PLXNA2: variants seen among roughly 807,000 people sequenced by gnomAD.
The protein encoded by PLXNA2 is plexin A2.
In PLXNA2, 91 loss-of-function variants were observed where a neutral mutation model predicts 193.5. The ratio of observed to expected loss-of-function variants is 0.47; its 90% CI spans 0.40 to 0.56. PLXNA2 has a LOEUF of 0.56. Among genes scored for constraint, PLXNA2 ranks in the 20% least tolerant of loss-of-function variants. The pLI is 0.00. For missense variants in PLXNA2, 1,995 were observed against 2,503.2 expected (o/e 0.80, Z 4.33); for synonymous variants, 997 against 1,027.3 (o/e 0.97, Z 0.56).
intron 1 of PLXNA2, among the ~76,000 whole-genome samples, chr1:208,222,254 C>T (rs770686957): frequency 2.1e-4 from 32 of 152,168 alleles, no homozygotes; most frequent in Non-Finnish European, 4.1e-4. Flanking sequence ...AATAATGATG[C>T]TTTCTTCTTT....
rs1671846833 is a variant in PLXNA2 at position 208,236,212 on chromosome 1, TG to T, written c.-81+7430del. On this transcript the variant is annotated intron_variant, in intron 1 of 31. Coordinates refer to ENST00000367033, the MANE Select transcript of PLXNA2 (RefSeq NM_025179.4). This position sits in a 1 kb window ranked among gnomAD's most constrained non-coding sequence, Gnocchi z 4.4. ...TGGGCTGGGCTCCCGCTAAGAACGC[TG>T]TTCTCAGTGAAATTCAAAAAATTGG... Among the ~76,000 whole-genome samples, 1 of 152,166 alleles carries T rather than the reference TG, an allele frequency of 6.6e-6. No individual in the cohort carries two copies. The highest frequency in any genetic ancestry group is 2.4e-5 in the African/African-American group (1 of 41,442).
rs533581207 is a variant in PLXNA2 at position 208,190,644 on chromosome 1, C to T, written c.1371+19636G>A. ...GTATCCCTGGCCTCTACCCACTAGA[C>T]GCCAATAGCTCTCTTTGCCCAAGAC... On this transcript the variant is annotated intron_variant, in intron 3 of 31. Transcript: ENST00000367033. Among the ~76,000 whole-genome samples, 6 of 152,314 alleles carry T rather than the reference C, an allele frequency of 3.9e-5. No individual in the cohort carries two copies. The East Asian group carries it at 7.7e-4, about 20-fold the overall frequency.
At chr1:208,112,136 T>A (rs1667499248) in intron 4 of PLXNA2, among the ~76,000 whole-genome samples, 1 of 152,180 alleles carries the variant, frequency 6.6e-6, no homozygotes, top group Non-Finnish European at 1.5e-5. Flanking sequence ...GTTGAACTTT[T>A]CAATGACATT....
intron 1 of PLXNA2, among the ~76,000 whole-genome samples, chr1:208,220,600 T>C (rs1271724744): frequency 8.4e-6 from 1 of 119,418 alleles, no homozygotes; most frequent in African/African-American, 3.3e-5. Context: ...ACCCGCCTAA[T>C]TTTTTTTTTT....
At chr1:208,148,344 A>G (rs1668661220) in intron 3 of PLXNA2, among the ~76,000 whole-genome samples, 1 of 152,192 alleles carries the variant, frequency 6.6e-6, no homozygotes, top group Non-Finnish European at 1.5e-5. Context: ...GTTTCTTAGT[A>G]GCAAAGAGAT....
intron 9 of PLXNA2, among the ~76,000 whole-genome samples, chr1:208,087,649 C>T (rs1666574627): frequency 6.6e-6 from 1 of 152,100 alleles, no homozygotes; most frequent in African/African-American, 2.4e-5. Flanking sequence ...CGGTTGGTGC[C>T]CCAGGTATGC....
chr1:208,197,403 G>T (rs1368222688), intron 3 of PLXNA2, among the ~76,000 whole-genome samples: 1 of 152,226 alleles, frequency 6.6e-6, no homozygotes, highest in Non-Finnish European at 1.5e-5. Context: ...CTGAACTGGG[G>T]GCTAATTGCC....
intron 4 of PLXNA2, among the ~76,000 whole-genome samples, chr1:208,124,249 GA>G (rs1571942930): frequency 6.6e-6 from 1 of 152,098 alleles, no homozygotes; most frequent in East Asian, 1.9e-4. Flanking sequence ...GAGAGGAGCA[GA>G]AAAAACAACT....
chr1:208,051,924 G>A (rs901854956), intron 15 of PLXNA2, among the ~76,000 whole-genome samples: 1 of 152,126 alleles, frequency 6.6e-6, no homozygotes, highest in Non-Finnish European at 1.5e-5. Context: ...GCAAATGGTA[G>A]GTGTTCAATT....
intron 4 of PLXNA2, among the ~76,000 whole-genome samples, chr1:208,122,275 T>C (rs1284140734): frequency 1.3e-5 from 2 of 152,190 alleles, no homozygotes; most frequent in African/African-American, 4.8e-5. Context: ...AATTCATCAA[T>C]AAATAACCAG....
chr1:208,113,787 C>T (rs1667560956), intron 4 of PLXNA2, among the ~76,000 whole-genome samples: 2 of 152,070 alleles, frequency 1.3e-5, no homozygotes, highest in Admixed American at 1.3e-4. Flanking sequence ...AACCCCTGGG[C>T]TCAAGTGATC....
chr1:208,189,479 T>C (rs533759648), intron 3 of PLXNA2, among the ~76,000 whole-genome samples: 59 of 151,552 alleles, frequency 3.9e-4, no homozygotes, highest in African/African-American at 1.3e-3. Context: ...CCTCCTCCCC[T>C]TCTCTTTGAG....
At chr1:208,129,733 C>T (rs956844861) in intron 4 of PLXNA2, among the ~76,000 whole-genome samples, 1 of 152,160 alleles carries the variant, frequency 6.6e-6, no homozygotes, top group African/African-American at 2.4e-5. Flanking sequence ...CCTGTAATCC[C>T]AGCACTCTGC....
rs1664308800 is a variant in PLXNA2, at chr1:208,025,273, ACC to A, written c.*1968_*1969del. On this transcript the variant is annotated 3_prime_UTR_variant, in exon 32 of 32. Coordinates refer to ENST00000367033, the MANE Select transcript of PLXNA2 (RefSeq NM_025179.4). ...GCTACACGCCAAGGATGGAAGCCAG[ACC>A]TCTGCGCTCCCCTCCCCCAGCCCTC... 1.3e-5 allele frequency: 2 copies of A among 152,560 alleles called. No homozygotes were observed. Among genetic ancestry groups the A allele is most frequent in the South Asian group, 4.1e-4 (2 of 4,820 alleles). 9.5% of individuals were successfully genotyped at this position (152,560 alleles called of 1,614,324 possible).
intron 4 of PLXNA2, among the ~76,000 whole-genome samples, chr1:208,135,299 TG>T (rs1186333770): frequency 6.6e-6 from 1 of 152,162 alleles, no homozygotes; most frequent in African/African-American, 2.4e-5. Context: ...TAAACAGATG[TG>T]GTTAAAAAGC....
At position 208,155,845 on chromosome 1, in the gene PLXNA2, C is replaced by A. The variant is rs187374146; in HGVS notation, c.1372-13382G>T. ...AGCATCACATGGCTTCCCATCTTCA[C>A]CCCCTCTTGCTATAGCCTGGAGGCT... On this transcript the variant is annotated intron_variant, in intron 3 of 31. Transcript: ENST00000367033. Among the ~76,000 whole-genome samples, 535 of 152,302 alleles carry A rather than the reference C, an allele frequency of 3.5e-3. 2 individuals carry two copies. The highest frequency in any genetic ancestry group is 6.2e-3 in the Admixed American group (95 of 15,308).
intron 9 of PLXNA2, among the ~76,000 whole-genome samples, chr1:208,085,494 G>A (rs1666489563): frequency 6.6e-6 from 1 of 152,252 alleles, no homozygotes; most frequent in Non-Finnish European, 1.5e-5. Flanking sequence ...TACAGGGCCT[G>A]CAGAGGGTGT....
At chr1:208,029,176 T>A in intron 29 of PLXNA2, 134 bp from the exon 30 acceptor site, 1 of 1,466,542 alleles carries the variant, frequency 6.8e-7, no homozygotes, top group Non-Finnish European at 9.0e-7. Flanking sequence ...AGAAAATGGG[T>A]CCAGCCAGGG....
intron 3 of PLXNA2, among the ~76,000 whole-genome samples, chr1:208,172,187 A>C (rs1014511589): frequency 5.3e-5 from 8 of 151,818 alleles, no homozygotes; most frequent in African/African-American, 1.9e-4. Context: ...GCTCCAAAGG[A>C]AAGATGCACA....
Sources: allele counts gnomAD v4.1 joint callset (sites outside exome capture counted in the v4.1 genomes callset), GRCh38; gene constraint gnomAD v4.1.1; non-coding constraint Gnocchi (gnomAD v3.1); transcripts MANE v1.5; gene names NCBI Gene and HGNC (gene_info 2026-07-23, HGNC 2026-07-21).